Variants in SDK1 observed in about 807,000 individuals in gnomAD.
SDK1 encodes the protein protein sidekick-1.
In SDK1, 157 loss-of-function variants were observed where a neutral mutation model predicts 245.5. The observed-to-expected ratio is 0.64, with a 90% CI of 0.56 to 0.73. The LOEUF (loss-of-function observed/expected upper bound fraction) is 0.73, where lower values mean the gene tolerates loss of function less well. SDK1 is among the 30% of genes least tolerant of loss of function. The probability of loss-of-function intolerance (pLI) is 0.00; values close to 1 mark genes in which losing one functional copy is unlikely to be tolerated. For missense variants in SDK1, 3,583 were observed against 3,002.3 expected (o/e 1.19, Z -4.52); for synonymous variants, 1,647 against 1,278.5 (o/e 1.29, Z -6.15).
At chr7:3,666,809 T>C (rs925465973) in intron 4 of SDK1, among the ~76,000 whole-genome samples, 1 of 152,126 alleles carries the variant, frequency 6.6e-6, no homozygotes, top group Admixed American at 6.5e-5. Flanking sequence ...GATCAGGTGG[T>C]CCATGCCTTC....
chr7:3,802,277 A>C (rs1052242491), intron 4 of SDK1, among the ~76,000 whole-genome samples: 1 of 152,130 alleles, frequency 6.6e-6, no homozygotes, highest in African/African-American at 2.4e-5. Flanking sequence ...TAATCCCAGC[A>C]CTTTGGGAGG....
At chr7:4,113,861 A>AT (rs1368921067) in intron 24 of SDK1, among the ~76,000 whole-genome samples, 176 bp from the exon 25 acceptor site, 1 of 152,250 alleles carries the variant, frequency 6.6e-6, no homozygotes, top group African/African-American at 2.4e-5. Flanking sequence ...ACAGGGTTTC[A>AT]TTTAATTCAC....
intron 1 of SDK1, among the ~76,000 whole-genome samples, chr7:3,550,296 C>T (rs1779359047): frequency 6.6e-6 from 1 of 152,158 alleles, no homozygotes; most frequent in African/African-American, 2.4e-5. Context: ...TGAAATCATT[C>T]TAGCCTTTAT....
At chr7:3,422,873 A>G (rs1052729986) in intron 1 of SDK1, among the ~76,000 whole-genome samples, 6 of 152,188 alleles carry the variant, frequency 3.9e-5, no homozygotes, top group Non-Finnish European at 8.8e-5. Context: ...AATAGATAGC[A>G]TTTATTGAAT....
chr7:4,067,957 A>T, intron 20 of SDK1, 21 bp downstream of exon 20: 1 of 1,552,106 alleles, frequency 6.4e-7, no homozygotes, highest in Non-Finnish European at 8.8e-7. Context: ...CTGTCCTTCA[A>T]AAAAGGAAAA....
At chr7:3,702,072 G>A (rs1784757200) in intron 4 of SDK1, among the ~76,000 whole-genome samples, 1 of 151,958 alleles carries the variant, frequency 6.6e-6, no homozygotes. Flanking sequence ...CTGGGGTTTA[G>A]AACTTAGTGA....
At chr7:3,480,695 C>T (rs1781493857) in intron 1 of SDK1, among the ~76,000 whole-genome samples, 1 of 152,178 alleles carries the variant, frequency 6.6e-6, no homozygotes, top group Admixed American at 6.5e-5. Flanking sequence ...GATTGTAGTC[C>T]CCTGCTATTC....
chr7:3,523,330 C>T (rs1271962831), intron 1 of SDK1, among the ~76,000 whole-genome samples: 1 of 152,146 alleles, frequency 6.6e-6, no homozygotes, highest in African/African-American at 2.4e-5. Context: ...GAGATACAGT[C>T]TGTGCTGGCA....
intron 4 of SDK1, among the ~76,000 whole-genome samples, chr7:3,791,955 C>G (rs553432404): frequency 4.0e-5 from 6 of 151,672 alleles, no homozygotes; most frequent in Admixed American, 6.6e-5. Flanking sequence ...GAGAGTTTGT[C>G]TTTCCAAAAA....
At chr7:3,618,776 T>G (rs1307979421) in intron 1 of SDK1, among the ~76,000 whole-genome samples, 1 of 152,260 alleles carries the variant, frequency 6.6e-6, no homozygotes, top group African/African-American at 2.4e-5. Context: ...AAAGCTTGTA[T>G]GTACAGGGAT....
intron 1 of SDK1, among the ~76,000 whole-genome samples, chr7:3,363,985 T>C (rs1353921206): frequency 6.6e-6 from 1 of 152,238 alleles, no homozygotes; most frequent in Non-Finnish European, 1.5e-5. Flanking sequence ...ATCTTTCATT[T>C]TGGCCATTCT....
At position 3,301,868 on chromosome 7, in the gene SDK1, C is replaced by A; in HGVS notation, c.282C>A (p.Leu94=). 1 of 1,136,612 alleles carries A rather than the reference C, an allele frequency of 8.8e-7. No homozygotes were observed. The highest frequency in any genetic ancestry group is 4.2e-5 in the South Asian group (1 of 23,564). 70.4% of individuals were successfully genotyped at this position (1,136,612 alleles called of 1,614,324 possible). The change falls in exon 1 of 45, where the codon CTC becomes CTA. Residue 94 remains leucine (L), a synonymous_variant. Transcript: ENST00000404826. ...WALLALQLHL[L]RALAQDDVAP... ...TGCTGGCGCTGCAGCTGCACTTGCTCCGGGCGCTGGCGCAAGGTAGGTGCG... is the reference window on the plus strand; with the variant it reads ...TGCTGGCGCTGCAGCTGCACTTGCTACGGGCGCTGGCGCAAGGTAGGTGCG...
At position 3,624,758 on chromosome 7, in the gene SDK1, G is replaced by T. The variant is rs140272421; in HGVS notation, c.458+5519G>T. On this transcript the variant is annotated intron_variant, in intron 2 of 44. Coordinates refer to ENST00000404826, the MANE Select transcript of SDK1 (RefSeq NM_152744.4). ...ACCATTATATTTATAAAAAATATAT[G>T]ATCAAGGCCAGGCATGGTGGCTCAC... Among the ~76,000 whole-genome samples the T allele has an allele frequency of 3.4e-4, 51 of 152,022 alleles. No homozygotes were observed. The East Asian group carries it at 9.9e-3, about 29-fold the overall frequency.
chr7:3,935,499 G>A (rs964674209), intron 5 of SDK1, among the ~76,000 whole-genome samples: 1 of 152,132 alleles, frequency 6.6e-6, no homozygotes, highest in Non-Finnish European at 1.5e-5. Context: ...GATTAAAATC[G>A]AGACTATACA....
chr7:3,446,656 TTAA>T (rs1780351063), intron 1 of SDK1, among the ~76,000 whole-genome samples: 3 of 152,322 alleles, frequency 2.0e-5, no homozygotes, highest in South Asian at 4.1e-4. Flanking sequence ...GTAGAATAAG[TTAA>T]TAATAATTTT....
At chr7:3,492,708 A>G (rs1489040219) in intron 1 of SDK1, among the ~76,000 whole-genome samples, 1 of 152,140 alleles carries the variant, frequency 6.6e-6, no homozygotes, top group Non-Finnish European at 1.5e-5. Flanking sequence ...TCTGTTACAT[A>G]ACATCCCTGA....
intron 1 of SDK1, among the ~76,000 whole-genome samples, chr7:3,303,124 A>G (rs897157490): frequency 3.3e-5 from 5 of 152,256 alleles, no homozygotes; most frequent in East Asian, 3.9e-4. Flanking sequence ...ACAAATTGCC[A>G]TATTTCTGGT....
chr7:3,965,620 G>A (rs1031874728), intron 9 of SDK1, among the ~76,000 whole-genome samples: 1 of 152,146 alleles, frequency 6.6e-6, no homozygotes, highest in African/African-American at 2.4e-5. Context: ...TGAGGCTCTG[G>A]GGACACGGCT....
At chr7:3,431,316 T>C (rs1310380414) in intron 1 of SDK1, among the ~76,000 whole-genome samples, 3 of 150,658 alleles carry the variant, frequency 2.0e-5, no homozygotes, top group African/African-American at 2.5e-5. Flanking sequence ...AGCTGTGATA[T>C]GAAGAAAGAC....
Sources: gnomAD v4.1 joint callset for allele counts (sites outside exome capture counted in the v4.1 genomes callset) on GRCh38, gnomAD v4.1.1 for gene constraint, MANE v1.5 for transcripts, NCBI Gene and HGNC (gene_info 2026-07-23, HGNC 2026-07-21) for gene names.